Variants in MCM9 observed in about 807,000 individuals in gnomAD.
MCM9 encodes the protein minichromosome maintenance 9 homologous recombination repair factor, also known as DNA helicase MCM9.
In MCM9, 55 loss-of-function variants were observed where a neutral mutation model predicts 72.8. That is an observed-to-expected ratio of 0.76 (90% confidence interval 0.61 to 0.95). MCM9 has a LOEUF of 0.95. Among genes scored for constraint, MCM9 ranks in the 40% least tolerant of loss-of-function variants. MCM9 has a pLI of 0.00. For synonymous variants in MCM9, 480 were observed against 503.4 expected, an observed-to-expected ratio of 0.95 and a Z score of 0.62; for missense variants, 1,279 against 1,377.0, an observed-to-expected ratio of 0.93 and a Z score of 1.13.
At chr6:118,896,631 C>A (rs907196111) in intron 8 of MCM9, among the ~76,000 whole-genome samples, 12 of 152,080 alleles carry the variant, frequency 7.9e-5, no homozygotes, top group African/African-American at 2.7e-4. Context: ...CATTACTGAG[C>A]ATTTATTTAG....
chr6:118,909,473 CTG>C (rs770717529), intron 8 of MCM9, among the ~76,000 whole-genome samples: 15 of 152,156 alleles, frequency 9.9e-5, no homozygotes, highest in Non-Finnish European at 2.1e-4. Context: ...ACGTAAGAAA[CTG>C]TAGCACATAA....
At chr6:118,856,086 T>C (rs2114682077) in intron 9 of MCM9, among the ~76,000 whole-genome samples, 1 of 152,316 alleles carries the variant, frequency 6.6e-6, no homozygotes, top group African/African-American at 2.4e-5. Flanking sequence ...AAAAAGAGAA[T>C]GAGTTGAATC....
chr6:118,845,176 C>T (rs1583413662), intron 9 of MCM9, among the ~76,000 whole-genome samples: 1 of 151,868 alleles, frequency 6.6e-6, no homozygotes, highest in East Asian at 1.9e-4. Context: ...CCTAAAAGAC[C>T]CACAAACACA....
rs1774369845 is a variant in MCM9, at chr6:118,829,218, A to G, written c.1358T>C (p.Ile453Thr). Residue 453 changes from isoleucine (I) to threonine (T), a missense_variant, in exon 10 of 14, where the codon ATC becomes ACC. By Grantham distance (89) the Ile-to-Thr change is moderately conservative. Transcript: ENST00000619706. ...GCCTTTGGGGTTCGTTGCTGCCAGG[A>G]TGGTGGTCCTTGTGTTCAGCTTGCA... ...LVCKLNTRTT[I>T]LAATNPKGQY... The G allele has an allele frequency of 6.5e-7, 1 of 1,550,222 alleles. No homozygotes were observed. The highest frequency in any genetic ancestry group is 2.0e-5 in the Admixed American group (1 of 50,950).
intron 8 of MCM9, among the ~76,000 whole-genome samples, chr6:118,883,069 C>CAAAAAAAAA (rs36162403): frequency 4.3e-5 from 2 of 46,178 alleles, no homozygotes; most frequent in Admixed American, 2.2e-4. Flanking sequence ...CTCAAAGATG[C>CAAAAAAAAA]AAAAAAAAAA....
At position 118,833,725 on chromosome 6, in the gene MCM9, G is replaced by GAAAT. The variant is rs559853898; in HGVS notation, c.1326-4476_1326-4475insATTT. On this transcript the variant is annotated intron_variant, in intron 9 of 13. Coordinates refer to ENST00000619706, the MANE Select transcript of MCM9 (RefSeq NM_017696.3). ...ATTCCACTTACCTGTGAAATACCTAGAGTAGTCAAATCCATAGAAACGGAA... is the reference window on the plus strand; with the variant it reads ...ATTCCACTTACCTGTGAAATACCTAGAAATAGTAGTCAAATCCATAGAAACGGAA... Among the ~76,000 whole-genome samples, 729 of 152,226 alleles carry GAAAT rather than the reference G, an allele frequency of 4.8e-3. 7 individuals are homozygous for GAAAT. The highest frequency in any genetic ancestry group is 0.017 in the African/African-American group (705 of 41,528).
intron 8 of MCM9, chr6:118,905,748 A>C: frequency 9.9e-6 from 16 of 1,613,552 alleles, no homozygotes; most frequent in Non-Finnish European, 1.4e-5. Context: ...AGAATTTATT[A>C]GAGTTGGCTA....
In MCM9 at chr6:118,895,368, G is replaced by A. The variant is rs552850845; in HGVS notation, c.1150+16282C>T. ...ATTTCAGGAAGAGAAATAGAGCTGA[G>A]GTAGGAAGTTACATTTAACCTAAAA... On this transcript the variant is annotated intron_variant, in intron 8 of 13. Coordinates refer to ENST00000619706, the MANE Select transcript of MCM9 (RefSeq NM_017696.3). Among the ~76,000 whole-genome samples the A allele has an allele frequency of 3.9e-5, 6 of 152,302 alleles. No homozygotes were observed. The East Asian group carries it at 7.7e-4, about 20-fold the overall frequency.
chr6:118,879,255 A>G (rs1273153220), intron 8 of MCM9, among the ~76,000 whole-genome samples: 1 of 152,122 alleles, frequency 6.6e-6, no homozygotes, highest in African/African-American at 2.4e-5. Context: ...GGGGAAAAAA[A>G]AAAAAAACCC....
At chr6:118,885,498 C>A (rs1195223458) in intron 8 of MCM9, among the ~76,000 whole-genome samples, 1 of 152,064 alleles carries the variant, frequency 6.6e-6, no homozygotes, top group African/African-American at 2.4e-5. Flanking sequence ...TTATTATTGA[C>A]TTTACAGAAG....
At chr6:118,831,710 A>C (rs1774576929) in intron 9 of MCM9, among the ~76,000 whole-genome samples, 1 of 152,204 alleles carries the variant, frequency 6.6e-6, no homozygotes. Flanking sequence ...GTAGTGGCTC[A>C]CTAAATACTA....
At chr6:118,821,968 C>T (rs1773844826) in intron 13 of MCM9, among the ~76,000 whole-genome samples, 1 of 152,174 alleles carries the variant, frequency 6.6e-6, no homozygotes, top group Non-Finnish European at 1.5e-5. Flanking sequence ...TGTTTTTCAG[C>T]TCCATCAGGT....
chr6:118,872,839 GA>G (rs1020379990), intron 8 of MCM9, among the ~76,000 whole-genome samples: 1 of 151,022 alleles, frequency 6.6e-6, no homozygotes, highest in Middle Eastern at 3.4e-3. Context: ...AAAGTAAGCA[GA>G]AAAAAAAATT....
intron 3 of MCM9, among the ~76,000 whole-genome samples, chr6:118,926,197 C>T (rs1262150465): frequency 2.6e-5 from 4 of 152,152 alleles, no homozygotes; most frequent in Non-Finnish European, 4.4e-5. Flanking sequence ...TACAATGGGG[C>T]TACATCTCAA....
Position 118,913,438 on chromosome 6 carries a change from A to G in MCM9, c.905-18T>C. ...ATTCCTTCCTAGGAAAAGCAGAAAG[A>G]TCAGAAATCAGCAATAATTTTCAAG... On this transcript the variant is annotated intron_variant, in intron 6 of 13. Coordinates refer to ENST00000619706, the MANE Select transcript of MCM9 (RefSeq NM_017696.3). 1.2e-6 allele frequency: 2 copies of G among 1,611,822 alleles called. No individual in the cohort carries two copies. The highest frequency in any genetic ancestry group is 1.7e-6 in the Non-Finnish European group (2 of 1,179,260).
intron 9 of MCM9, among the ~76,000 whole-genome samples, chr6:118,841,313 T>C (rs1775348496): frequency 6.6e-6 from 1 of 152,054 alleles, no homozygotes. Flanking sequence ...CCCCTAGGGG[T>C]CAGGGACCAC....
At chr6:118,858,419 C>T (rs1776702118) in intron 8 of MCM9, among the ~76,000 whole-genome samples, 1 of 152,200 alleles carries the variant, frequency 6.6e-6, no homozygotes, top group Admixed American at 6.5e-5. Flanking sequence ...TGATAAAAGA[C>T]TGAATGTTTC....
At chr6:118,897,259 A>T (rs1779486284) in intron 8 of MCM9, among the ~76,000 whole-genome samples, 1 of 152,116 alleles carries the variant, frequency 6.6e-6, no homozygotes, top group Non-Finnish European at 1.5e-5. Context: ...ACTTTCCTTT[A>T]AGAGCTGCCC....
chr6:118,844,536 T>TA (rs1487879940), intron 9 of MCM9, among the ~76,000 whole-genome samples: 4 of 146,860 alleles, frequency 2.7e-5, no homozygotes, highest in Non-Finnish European at 6.0e-5. Context: ...AAAGCAAAGT[T>TA]AAAAAATACA....
Sources: allele counts gnomAD v4.1 joint callset (sites outside exome capture counted in the v4.1 genomes callset), GRCh38; gene constraint gnomAD v4.1.1; transcripts MANE v1.5; gene names NCBI Gene and HGNC (gene_info 2026-07-23, HGNC 2026-07-21).